Variants in P4HA1 observed in about 807,000 individuals in gnomAD.
The protein encoded by P4HA1 is prolyl 4-hydroxylase subunit alpha-1.
In P4HA1, 24 loss-of-function variants were observed where a neutral mutation model predicts 72.8. The observed-to-expected ratio is 0.33, with a 90% CI of 0.24 to 0.46. P4HA1 has a LOEUF of 0.46. Among genes scored for constraint, P4HA1 ranks in the 20% least tolerant of loss-of-function variants. P4HA1 has a pLI of 1.00. For synonymous variants in P4HA1, 201 were observed against 218.8 expected (o/e 0.92, Z 0.72); for missense variants, 446 against 640.6 (o/e 0.70, Z 3.28).
intron 10 of P4HA1, among the ~76,000 whole-genome samples, chr10:73,026,636 T>C (rs573214330): frequency 2.5e-3 from 383 of 152,266 alleles, no homozygotes; most frequent in African/African-American, 8.6e-3. Context: ...AGCTTCTGCA[T>C]GGCAAAAGAA....
At chr10:73,008,421 C>A in intron 14 of P4HA1, 129 bp from the exon 15 acceptor site, 2 of 614,796 alleles carry the variant, frequency 3.3e-6, no homozygotes, top group South Asian at 4.3e-5. Context: ...CGGATAAAGG[C>A]AGATGCTACT....
chr10:73,082,537 A>T (rs1199581259), intron 1 of P4HA1: 1 of 152,200 alleles, frequency 6.6e-6, no homozygotes, highest in African/African-American at 2.4e-5. Context: ...GAAAAAACAA[A>T]GAAACCTGTA....
At chr10:73,058,438 G>A (rs1442143690) in intron 5 of P4HA1, among the ~76,000 whole-genome samples, 2 of 152,106 alleles carry the variant, frequency 1.3e-5, no homozygotes, top group Non-Finnish European at 2.9e-5. Flanking sequence ...AAAATTACAG[G>A]CTATGACACG....
chr10:73,042,853 T>TAC (rs1263032124), intron 9 of P4HA1, among the ~76,000 whole-genome samples: 1 of 152,132 alleles, frequency 6.6e-6, no homozygotes, highest in African/African-American at 2.4e-5. Flanking sequence ...TTAAACATCC[T>TAC]ACAAAGCTGA....
Position 73,053,589 on chromosome 10 carries a change from T to G in P4HA1, c.465A>C (p.Gly155=), listed in dbSNP as rs1453199246. The change falls in exon 6 of 15, where the codon GGA becomes GGC. Residue 155 remains glycine, a splice_region_variant and synonymous_variant. Coordinates refer to ENST00000394890, the MANE Select transcript of P4HA1 (RefSeq NM_001017962.3). ...CCGTTAGAAAAGATTTGTGTTTCACTCCTATGAAAAGAAAATACAGAGAAC... is the reference window on the plus strand; with the variant it reads ...CCGTTAGAAAAGATTTGTGTTTCACGCCTATGAAAAGAAAATACAGAGAAC... The part of the protein sequence containing the change: ...TDTISKGNLP[G]VKHKSFLTAE... The G allele has an allele frequency of 8.1e-6, 13 of 1,612,920 alleles. No individual in the cohort carries two copies. The highest frequency in any genetic ancestry group is 1.0e-5 in the Non-Finnish European group (12 of 1,179,646).
Position 73,008,165 on chromosome 10 carries a change from A to G in P4HA1, c.*57T>C. 9.9e-7 allele frequency: 1 copy of G among 1,013,864 alleles called. No homozygotes were observed. The highest frequency in any genetic ancestry group is 1.6e-5 in the African/African-American group (1 of 62,518). The allele number at this position is 1,013,864 out of a possible 1,614,324, so 62.8% of individuals were successfully genotyped here. A position where few individuals can be genotyped will look rare whatever the true frequency, so the allele number is the denominator to read the frequency against. On this transcript the variant is annotated 3_prime_UTR_variant, in exon 15 of 15. Transcript: ENST00000394890. ...AACTCCTGAAAGTTAAGACTAGGAAATGTGTATATCAGACACATAAGAGTA... is the reference window on the plus strand; with the variant it reads ...AACTCCTGAAAGTTAAGACTAGGAAGTGTGTATATCAGACACATAAGAGTA...
intron 1 of P4HA1, among the ~76,000 whole-genome samples, chr10:73,077,212 T>A (rs992196405): frequency 2.0e-5 from 3 of 152,220 alleles, no homozygotes; most frequent in Admixed American, 6.5e-5. Context: ...CATACTTCTA[T>A]TCTAATTTTC....
chr10:73,023,563 C>T (rs780776474), intron 10 of P4HA1, among the ~76,000 whole-genome samples: 3 of 152,080 alleles, frequency 2.0e-5, no homozygotes, highest in Non-Finnish European at 2.9e-5. Flanking sequence ...TAAAGACCAT[C>T]GATGCTATGA....
chr10:73,066,086 G>T (rs536342171), intron 5 of P4HA1, among the ~76,000 whole-genome samples: 13 of 152,184 alleles, frequency 8.5e-5, no homozygotes, highest in African/African-American at 3.1e-4. Flanking sequence ...CTAAACAAGG[G>T]AAGGTGCACA....
At chr10:73,075,221 C>T (rs771920624) in intron 1 of P4HA1, among the ~76,000 whole-genome samples, 36 of 152,102 alleles carry the variant, frequency 2.4e-4, no homozygotes, top group Non-Finnish European at 4.4e-4. Context: ...GATTCTCATG[C>T]CTCAGCCTCC....
chr10:73,024,909 T>C (rs1475546857), intron 10 of P4HA1, among the ~76,000 whole-genome samples: 1 of 152,242 alleles, frequency 6.6e-6, no homozygotes, highest in African/African-American at 2.4e-5. Context: ...GATAAATTCC[T>C]GGACACATAC....
intron 1 of P4HA1, among the ~76,000 whole-genome samples, chr10:73,093,135 AAAG>A (rs1442943208): frequency 1.3e-5 from 2 of 151,968 alleles, no homozygotes; most frequent in East Asian, 1.9e-4. Context: ...AAAAAAAAAA[AAAG>A]AGAGAGTAAG....
intron 11 of P4HA1, 113 bp from the exon 12 acceptor site, chr10:73,014,402 CAA>C: frequency 2.6e-6 from 2 of 763,768 alleles, no homozygotes; most frequent in Non-Finnish European, 4.5e-6. Context: ...ACAACAACCG[CAA>C]AAGTTTCCCT....
At chr10:73,052,313 T>G (rs1442276721) in intron 6 of P4HA1, among the ~76,000 whole-genome samples, 1 of 152,194 alleles carries the variant, frequency 6.6e-6, no homozygotes, top group Non-Finnish European at 1.5e-5. Context: ...TGTAAAATAT[T>G]TCTTGTCCTT....
intron 1 of P4HA1, among the ~76,000 whole-genome samples, chr10:73,077,665 A>C (rs1841729988): frequency 6.6e-6 from 1 of 152,174 alleles, no homozygotes; most frequent in Non-Finnish European, 1.5e-5. Context: ...GATCTCTAAA[A>C]GCAGAGAATT....
At chr10:73,009,422 T>G (rs1839862773) in intron 14 of P4HA1, among the ~76,000 whole-genome samples, 1 of 152,160 alleles carries the variant, frequency 6.6e-6, no homozygotes, top group Non-Finnish European at 1.5e-5. Context: ...AGGACCAAAT[T>G]TAAAGAAAAA....
At chr10:73,073,930 G>C in intron 2 of P4HA1, 103 bp from the exon 3 acceptor site, 1 of 711,334 alleles carries the variant, frequency 1.4e-6, no homozygotes, top group South Asian at 1.5e-5. Context: ...AATTTAACTG[G>C]CATGAATCAG....
At chr10:73,041,545 C>CT (rs1840735594) in intron 9 of P4HA1, among the ~76,000 whole-genome samples, 1 of 137,118 alleles carries the variant, frequency 7.3e-6, no homozygotes, top group South Asian at 2.1e-4. Context: ...TCCATCCCCC[C>CT]CCCAAAAAAA....
At chr10:73,086,035 G>T (rs1272151871) in intron 1 of P4HA1, among the ~76,000 whole-genome samples, 1 of 152,196 alleles carries the variant, frequency 6.6e-6, no homozygotes, top group Non-Finnish European at 1.5e-5. Context: ...ACAATTACAA[G>T]TATTGACAAG....
Sources: gnomAD v4.1 joint callset for allele counts (sites outside exome capture counted in the v4.1 genomes callset) on GRCh38, gnomAD v4.1.1 for gene constraint, MANE v1.5 for transcripts, NCBI Gene and HGNC (gene_info 2026-07-23, HGNC 2026-07-21) for gene names.